The following ARMC9 variants were observed in gnomAD, a reference collection of about 807,000 sequenced individuals.
ARMC9 encodes lisH domain-containing protein ARMC9.
In ARMC9, 94 loss-of-function variants were observed where a neutral mutation model predicts 107.0. The ratio of observed to expected loss-of-function variants is 0.88; its 90% CI spans 0.74 to 1.04. The LOEUF is 1.04. Ranked by LOEUF, ARMC9 falls within the 50% of genes least tolerant of loss-of-function variation. The pLI is 0.00. For synonymous variants in ARMC9, 380 were observed against 396.9 expected, an observed-to-expected ratio of 0.96 and a Z score of 0.51; for missense variants, 942 against 1,030.1, an observed-to-expected ratio of 0.91 and a Z score of 1.17.
At chr2:231,270,913 C>A in intron 12 of ARMC9, 69 bp from the exon 13 acceptor site, 1 of 1,358,888 alleles carries the variant, frequency 7.4e-7, no homozygotes, top group South Asian at 1.2e-5. Context: ...CTACCAGACC[C>A]GAAGAGGAGG....
chr2:231,287,084 A>C (rs1276257350), intron 17 of ARMC9, among the ~76,000 whole-genome samples: 1 of 152,194 alleles, frequency 6.6e-6, no homozygotes, highest in African/African-American at 2.4e-5. Context: ...CAGGTTATAA[A>C]AGCTCCCAGA....
intron 11 of ARMC9, among the ~76,000 whole-genome samples, chr2:231,262,035 G>A (rs541897819): frequency 6.6e-6 from 1 of 152,146 alleles, no homozygotes; most frequent in East Asian, 1.9e-4. Context: ...TGTTAGCCAG[G>A]ATGGTCTTGA....
chr2:231,321,270 T>C (rs943132783), intron 19 of ARMC9, among the ~76,000 whole-genome samples: 3 of 152,142 alleles, frequency 2.0e-5, no homozygotes, highest in Admixed American at 6.5e-5. Flanking sequence ...GTTCCTCATG[T>C]GCTGCCTGGC....
At chr2:231,348,941 G>C (rs904935708) in intron 21 of ARMC9, among the ~76,000 whole-genome samples, 2 of 152,148 alleles carry the variant, frequency 1.3e-5, no homozygotes, top group Non-Finnish European at 2.9e-5. Flanking sequence ...AACAAATGCT[G>C]GCAAGGATGT....
intron 17 of ARMC9, among the ~76,000 whole-genome samples, chr2:231,287,545 G>T (rs2040684486): frequency 6.6e-6 from 1 of 152,056 alleles, no homozygotes; most frequent in Non-Finnish European, 1.5e-5. Context: ...GCTTTGCTTT[G>T]CTTTGCTTTG....
chr2:231,222,697 T>G, intron 5 of ARMC9, 31 bp from the exon 6 acceptor site: 1 of 1,226,414 alleles, frequency 8.2e-7, no homozygotes, highest in Non-Finnish European at 1.2e-6. Context: ...AGTAATCTAA[T>G]GTTTGTATTT....
chr2:231,212,375 A>G (rs2032991316), intron 3 of ARMC9, among the ~76,000 whole-genome samples: 1 of 152,228 alleles, frequency 6.6e-6, no homozygotes, highest in Non-Finnish European at 1.5e-5. Flanking sequence ...GATAGATGTG[A>G]TTGTAATGAC....
intron 19 of ARMC9, among the ~76,000 whole-genome samples, chr2:231,312,860 G>A (rs1048734260): frequency 2.6e-5 from 4 of 152,114 alleles, no homozygotes; most frequent in African/African-American, 9.7e-5. Flanking sequence ...AGAGTGCCTT[G>A]GGTGTATAGT....
At chr2:231,216,525 G>T (rs1434890869) in intron 4 of ARMC9, 113 bp from the exon 5 acceptor site, 1 of 1,216,212 alleles carries the variant, frequency 8.2e-7, no homozygotes, top group Admixed American at 2.3e-5. Flanking sequence ...AGGTTAGATA[G>T]GGGATGCCAG....
At chr2:231,271,541 A>C (rs2039328975) in intron 13 of ARMC9, among the ~76,000 whole-genome samples, 1 of 152,222 alleles carries the variant, frequency 6.6e-6, no homozygotes, top group Non-Finnish European at 1.5e-5. Context: ...ACATGCCCCC[A>C]TAACTGAATT....
Position 231,374,548 on chromosome 2 carries a change from A to AAT in ARMC9, c.*3014_*3015insTA, listed in dbSNP as rs1553640405. ...GCCCAAATCAAAAGAGCTAAAAAAA[A>AAT]AATAATAAAATAAAAATAAAAATAA... On this transcript the variant is annotated 3_prime_UTR_variant, in exon 25 of 25. Coordinates refer to ENST00000611582, the MANE Select transcript of ARMC9 (RefSeq NM_001352754.2). The AAT allele has an allele frequency of 6.6e-6, 1 of 151,878 alleles. No individual in the cohort carries two copies. The highest frequency in any genetic ancestry group is 2.4e-5 in the African/African-American group (1 of 41,420). 9.4% of individuals were successfully genotyped at this position (151,878 alleles called of 1,614,324 possible).
intron 12 of ARMC9, among the ~76,000 whole-genome samples, chr2:231,262,818 G>C (rs1574853767): frequency 1.3e-5 from 2 of 152,284 alleles, no homozygotes; most frequent in Middle Eastern, 3.4e-3. Context: ...CTGATCCTGT[G>C]GGAAAAGTAT....
chr2:231,261,087 C>G (rs763324624), intron 11 of ARMC9, among the ~76,000 whole-genome samples: 3 of 152,214 alleles, frequency 2.0e-5, no homozygotes, highest in Admixed American at 6.5e-5. Flanking sequence ...GGCCTGCGCT[C>G]TTGCCCACGC....
At chr2:231,288,340 T>TG (rs1435487705) in intron 17 of ARMC9, among the ~76,000 whole-genome samples, 3 of 152,240 alleles carry the variant, frequency 2.0e-5, no homozygotes, top group East Asian at 3.9e-4. Context: ...TATCTCTGGG[T>TG]GGGGGGCCTG....
rs1211935513 is a variant in ARMC9 at position 231,362,167 on chromosome 2, C to G, written c.2261+1284C>G. 6.6e-6 allele frequency among the ~76,000 whole-genome samples: 1 copy of G among 152,168 alleles called. No individual in the cohort carries two copies. Among genetic ancestry groups the G allele is most frequent in the Non-Finnish European group, 1.5e-5 (1 of 68,016 alleles). On this transcript the variant is annotated intron_variant, in intron 23 of 24. Coordinates refer to ENST00000611582, the MANE Select transcript of ARMC9 (RefSeq NM_001352754.2). The surrounding 1 kb of genome is among the most constrained non-coding windows in gnomAD (Gnocchi z 4.7). ...GGACCCAGGGACCTACCTCCCCTAC[C>G]TGGGCCTCCTCCCCTCTTTCTGTGG...
chr2:231,203,879 G>A (rs1003162959), intron 1 of ARMC9, among the ~76,000 whole-genome samples: 1 of 152,126 alleles, frequency 6.6e-6, no homozygotes, highest in African/African-American at 2.4e-5. Flanking sequence ...AGAATTGCTG[G>A]AACCCCGGAG....
intron 19 of ARMC9, among the ~76,000 whole-genome samples, chr2:231,300,021 T>G (rs2041627537): frequency 6.6e-6 from 1 of 152,224 alleles, no homozygotes; most frequent in South Asian, 2.1e-4. Context: ...AAAGGGCTGT[T>G]GGTAAATCAC....
intron 12 of ARMC9, among the ~76,000 whole-genome samples, chr2:231,267,119 T>G (rs1198101239): frequency 6.6e-6 from 1 of 152,246 alleles, no homozygotes; most frequent in Non-Finnish European, 1.5e-5. Context: ...GAGCACTTAT[T>G]GATCCCCTCT....
At chr2:231,317,686 A>G (rs1450973419) in intron 19 of ARMC9, among the ~76,000 whole-genome samples, 5 of 151,880 alleles carry the variant, frequency 3.3e-5, no homozygotes, top group Non-Finnish European at 5.9e-5. Flanking sequence ...TTTTTATCCA[A>G]TGTTTGTTCT....
Sources: allele counts gnomAD v4.1 joint callset (sites outside exome capture counted in the v4.1 genomes callset), GRCh38; gene constraint gnomAD v4.1.1; non-coding constraint Gnocchi (gnomAD v3.1); transcripts MANE v1.5; gene names NCBI Gene and HGNC (gene_info 2026-07-23, HGNC 2026-07-21).